Variants in HOXA3 observed in about 807,000 individuals in gnomAD.
HOXA3 encodes homeobox A3.
A neutral mutation model predicts 30.3 loss-of-function variants in HOXA3; 8 were observed. That is an observed-to-expected ratio of 0.26 (90% CI 0.15 to 0.48). HOXA3 has a LOEUF of 0.48. Ranked by LOEUF, HOXA3 falls within the 20% of genes least tolerant of loss-of-function variation. The pLI, the probability that HOXA3 is intolerant of heterozygous loss-of-function variation, is 0.99. For synonymous variants in HOXA3, 323 were observed against 273.1 expected, an observed-to-expected ratio of 1.18 and a Z score of -1.80; for missense variants, 653 against 614.4, an observed-to-expected ratio of 1.06 and a Z score of -0.66.
chr7:27,121,801 A>G (rs890867436), intron 4 of HOXA3: 1 of 152,654 alleles, frequency 6.6e-6, no homozygotes, highest in Non-Finnish European at 1.5e-5. Flanking sequence ...CATGTAATTT[A>G]TGGATCTTTT....
chr7:27,148,139 C>T (rs1782849476), intron 1 of HOXA3, among the ~76,000 whole-genome samples: 2 of 152,264 alleles, frequency 1.3e-5, no homozygotes, highest in African/African-American at 4.8e-5. Flanking sequence ...CAGGTCCCCT[C>T]CTTCCTCCTC....
At chr7:27,139,371 G>A (rs1397871663) in intron 2 of HOXA3, among the ~76,000 whole-genome samples, 2 of 152,154 alleles carry the variant, frequency 1.3e-5, no homozygotes, top group African/African-American at 4.8e-5. Context: ...GGTCCTCAGG[G>A]TCCAGTGGGC....
intron 2 of HOXA3, chr7:27,129,315 G>C (rs1418021571): frequency 1.2e-6 from 2 of 1,614,036 alleles, no homozygotes; most frequent in Non-Finnish European, 1.7e-6. Context: ...CTGGTGGGCC[G>C]GCAGAGGCCG....
At chr7:27,112,264 A>G (rs1334740701) in intron 4 of HOXA3, among the ~76,000 whole-genome samples, 2 of 152,222 alleles carry the variant, frequency 1.3e-5, no homozygotes, top group Non-Finnish European at 2.9e-5. Context: ...TTAACATGCA[A>G]TCCAACTATG....
At chr7:27,142,714 G>T in intron 1 of HOXA3, 1 of 332,612 alleles carries the variant, frequency 3.0e-6, no homozygotes, top group Non-Finnish European at 5.4e-6. Flanking sequence ...GGCTGCTACA[G>T]CCATCCTCTA....
rs143237428 is a variant in HOXA3 at position 27,131,527 on chromosome 7, A to T, written c.-389-4457T>A. 4.7e-3 allele frequency among the ~76,000 whole-genome samples: 718 copies of T among 152,272 alleles called. 3 individuals carry two copies. The highest frequency in any genetic ancestry group is 6.8e-3 in the Non-Finnish European group (462 of 68,018). On this transcript the variant is annotated intron_variant, in intron 2 of 5. Coordinates refer to ENST00000612286, the MANE Select transcript of HOXA3 (RefSeq NM_153631.3). ...TCATTTTTTCCTTCTTTCAGAGACA[A>T]TCTGTTTCGTGTTTTCCTAAGAAAA...
intron 2 of HOXA3, chr7:27,130,855 C>G (rs1430792676): frequency 6.8e-6 from 7 of 1,023,168 alleles, no homozygotes; most frequent in African/African-American, 1.6e-5. Flanking sequence ...TTCCCCTCCC[C>G]CCGCTGTCAA....
intron 3 of HOXA3, chr7:27,123,898 A>C (rs1388496293): frequency 6.6e-6 from 1 of 152,240 alleles, no homozygotes; most frequent in African/African-American, 2.4e-5. Flanking sequence ...TCTCTTGTTC[A>C]AACTTGCTTT....
intron 2 of HOXA3, chr7:27,128,611 A>C (rs1785382498): frequency 1.3e-5 from 2 of 156,606 alleles, no homozygotes; most frequent in South Asian, 3.8e-4. Context: ...GTCTAAATGC[A>C]CTCCCCTCTC....
intron 2 of HOXA3, among the ~76,000 whole-genome samples, chr7:27,139,658 C>T (rs1416341261): frequency 6.6e-6 from 1 of 152,134 alleles, no homozygotes; most frequent in Non-Finnish European, 1.5e-5. Flanking sequence ...GCGGCCGGCG[C>T]CCCACTGTCT....
intron 2 of HOXA3, chr7:27,129,983 T>A (rs1285422777): frequency 7.7e-6 from 8 of 1,033,280 alleles, no homozygotes; most frequent in Non-Finnish European, 1.1e-5. Flanking sequence ...TACCCACATC[T>A]CACCGCAGCC....
chr7:27,133,735 A>G (rs1785632138), intron 2 of HOXA3, among the ~76,000 whole-genome samples: 1 of 152,212 alleles, frequency 6.6e-6, no homozygotes, highest in African/African-American at 2.4e-5. Flanking sequence ...TTTTGAATAT[A>G]TTTGTAACAG....
At chr7:27,130,476 A>G in intron 2 of HOXA3, 4 of 1,260,070 alleles carry the variant, frequency 3.2e-6, no homozygotes, top group Non-Finnish European at 4.0e-6. Context: ...ACAGCGCGGC[A>G]GCAGGGTAGG....
At position 27,107,912 on chromosome 7, in the gene HOXA3, C is replaced by G; in HGVS notation, c.*3G>C. 1 of 1,556,166 alleles carries G rather than the reference C, an allele frequency of 6.4e-7. No homozygotes were observed. Among genetic ancestry groups the G allele is most frequent in the East Asian group, 2.3e-5 (1 of 43,748 alleles). On this transcript the variant is annotated 3_prime_UTR_variant, in exon 6 of 6. Coordinates refer to ENST00000612286, the MANE Select transcript of HOXA3 (RefSeq NM_153631.3). ...CTCCTGGCGCGTAGCCCCAAGCCCA[C>G]TATCACAGGTGGGTGAGCTTGGGTG...
chr7:27,113,368 GC>G lies in HOXA3; in HGVS notation c.-120-2609del. Among the ~76,000 whole-genome samples the G allele has an allele frequency of 6.6e-6, 1 of 152,238 alleles. No individual in the cohort carries two copies. Among genetic ancestry groups the G allele is most frequent in the East Asian group, 1.9e-4 (1 of 5,166 alleles). Reference sequence around the variant, plus strand: ...ATCTGAGCGGGTTCGTCGGATAGGAGCCCCGAGTCCCCTGCCCACCTCTCCT... The same window carrying G: ...ATCTGAGCGGGTTCGTCGGATAGGAGCCCGAGTCCCCTGCCCACCTCTCCT... On this transcript the variant is annotated intron_variant, in intron 4 of 5. Coordinates refer to ENST00000612286, the MANE Select transcript of HOXA3 (RefSeq NM_153631.3). The surrounding 1 kb of genome is among the most constrained non-coding windows in gnomAD (Gnocchi z 4.8).
chr7:27,128,125 TCA>T (rs1243502026), intron 2 of HOXA3: 1 of 152,238 alleles, frequency 6.6e-6, no homozygotes, highest in African/African-American at 2.4e-5. Context: ...CCAAGTGTGC[TCA>T]GAGTTCAGTG....
chr7:27,135,158 A>C (rs901171392), intron 2 of HOXA3, among the ~76,000 whole-genome samples: 1 of 151,234 alleles, frequency 6.6e-6, no homozygotes, highest in African/African-American at 2.4e-5. Context: ...CCTTCTTCTT[A>C]GGTTGCTTTA....
At chr7:27,117,322 C>T (rs1483196276) in intron 4 of HOXA3, among the ~76,000 whole-genome samples, 2 of 152,226 alleles carry the variant, frequency 1.3e-5, no homozygotes, top group Non-Finnish European at 2.9e-5. Context: ...TGGGGGTACA[C>T]AAGGAATGCC....
chr7:27,125,938 T>C (rs548744155), intron 3 of HOXA3, among the ~76,000 whole-genome samples: 63 of 152,242 alleles, frequency 4.1e-4, no homozygotes, highest in African/African-American at 1.5e-3. Flanking sequence ...GGGAGGAGGC[T>C]GAGATATAGG....
Sources: gnomAD v4.1 joint callset for allele counts (sites outside exome capture counted in the v4.1 genomes callset) on GRCh38, gnomAD v4.1.1 for gene constraint, Gnocchi (gnomAD v3.1) non-coding constraint, MANE v1.5 for transcripts, NCBI Gene and HGNC (gene_info 2026-07-23, HGNC 2026-07-21) for gene names.